Variants in SMYD3 observed in about 807,000 individuals in gnomAD.
The protein encoded by SMYD3 is histone-lysine N-methyltransferase SMYD3.
SMYD3 carries 36 observed loss-of-function variants against 57.7 expected under a neutral mutation model. The observed-to-expected ratio is 0.62, with a 90% CI of 0.48 to 0.82. SMYD3 has a LOEUF of 0.82. Ranked by LOEUF, SMYD3 falls within the 40% of genes least tolerant of loss-of-function variation. SMYD3 has a pLI of 0.00. For synonymous variants in SMYD3, 211 were observed against 195.0 expected, an observed-to-expected ratio of 1.08 and a Z score of -0.68; for missense variants, 515 against 538.8, an observed-to-expected ratio of 0.96 and a Z score of 0.44.
chr1:246,403,113 G>C (rs1390301029), intron 1 of SMYD3, among the ~76,000 whole-genome samples: 1 of 152,130 alleles, frequency 6.6e-6, no homozygotes, highest in Non-Finnish European at 1.5e-5. Context: ...GCTGATTAAG[G>C]GTGATCCTGG....
At position 246,473,351 on chromosome 1, in the gene SMYD3, TTA is replaced by T. The variant is rs1203034728; in HGVS notation, c.164+33701_164+33702del. On this transcript the variant is annotated intron_variant, in intron 1 of 11. Coordinates refer to ENST00000490107, the MANE Select transcript of SMYD3 (RefSeq NM_001167740.2). ...CTGATTTATTATGTTATTATTCATT[TTA>T]TGTTATATATTTTGAAATTCAAAAA... Among the ~76,000 whole-genome samples, 22 of 152,326 alleles carry T rather than the reference TTA, an allele frequency of 1.4e-4. 1 individual carries two copies. Among genetic ancestry groups the T allele is most frequent in the African/African-American group, 5.3e-4 (22 of 41,578 alleles).
In SMYD3 at chr1:245,903,637, G is replaced by A. The variant is rs189585155; in HGVS notation, c.813+11893C>T. Among the ~76,000 whole-genome samples, 27 of 152,342 alleles carry A rather than the reference G, an allele frequency of 1.8e-4. No homozygotes were observed. In the East Asian group the frequency reaches 5.0e-3, roughly 28 times the overall value. ...TGCCACCTCTCCCTGACCCCCAGCA[G>A]TGGTGCGTGGTGACAAGAGCATCTC... On this transcript the variant is annotated intron_variant, in intron 8 of 11. Transcript: ENST00000490107.
intron 10 of SMYD3, among the ~76,000 whole-genome samples, chr1:245,797,513 C>T (rs1200336652): frequency 9.5e-6 from 1 of 104,858 alleles, no homozygotes; most frequent in Admixed American, 1.4e-4. Flanking sequence ...ACATCACACA[C>T]TGGGGCCTGT....
intron 10 of SMYD3, among the ~76,000 whole-genome samples, chr1:245,817,195 G>T (rs1175061838): frequency 1.3e-5 from 2 of 148,432 alleles, no homozygotes; most frequent in Non-Finnish European, 3.0e-5. Flanking sequence ...CGCAGCTGGA[G>T]ATCTGAGAAC....
At chr1:246,407,112 C>T (rs570812526) in intron 1 of SMYD3, among the ~76,000 whole-genome samples, 18 of 152,110 alleles carry the variant, frequency 1.2e-4, no homozygotes, top group Non-Finnish European at 2.2e-4. Context: ...TTGGGGGGTA[C>T]CATCACTCTG....
chr1:246,256,089 G>C (rs994621600), intron 5 of SMYD3, among the ~76,000 whole-genome samples: 4 of 152,100 alleles, frequency 2.6e-5, no homozygotes, highest in African/African-American at 9.7e-5. Flanking sequence ...TCCCACAATA[G>C]GCTGCAAGCT....
intron 5 of SMYD3, among the ~76,000 whole-genome samples, chr1:245,993,627 T>C (rs372760194): frequency 0.04 from 4,290 of 106,604 alleles, 78 homozygotes; most frequent in South Asian, 0.053. Context: ...GATAGATAGA[T>C]AGATAGACAG....
intron 1 of SMYD3, among the ~76,000 whole-genome samples, chr1:246,479,901 T>C (rs2068080707): frequency 6.6e-6 from 1 of 152,154 alleles, no homozygotes; most frequent in South Asian, 2.1e-4. Flanking sequence ...AAATATCTGC[T>C]GTATCTTCAG....
intron 5 of SMYD3, among the ~76,000 whole-genome samples, chr1:245,988,818 CTT>C (rs978379289): frequency 6.6e-6 from 1 of 152,142 alleles, no homozygotes; most frequent in Non-Finnish European, 1.5e-5. Context: ...AACTCAAAGG[CTT>C]TTTTTGTCAG....
intron 8 of SMYD3, among the ~76,000 whole-genome samples, chr1:245,905,523 G>C (rs1449111051): frequency 1.3e-5 from 2 of 152,238 alleles, no homozygotes; most frequent in Admixed American, 1.3e-4. Flanking sequence ...GACTGAGAAA[G>C]ATTGAGTCTT....
intron 10 of SMYD3, among the ~76,000 whole-genome samples, chr1:245,841,494 A>G (rs1289922228): frequency 6.6e-6 from 1 of 152,246 alleles, no homozygotes; most frequent in African/African-American, 2.4e-5. Flanking sequence ...TTTAAGTTAA[A>G]TGTAAATTCA....
chr1:245,840,495 T>C (rs1325425773), intron 10 of SMYD3, among the ~76,000 whole-genome samples: 1 of 152,120 alleles, frequency 6.6e-6, no homozygotes, highest in Non-Finnish European at 1.5e-5. Context: ...AGATACTGCC[T>C]GAAGTTGATG....
chr1:245,981,384 AG>A (rs2058593730), intron 5 of SMYD3, among the ~76,000 whole-genome samples: 1 of 152,250 alleles, frequency 6.6e-6, no homozygotes, highest in Admixed American at 6.5e-5. Context: ...ACAGACAACC[AG>A]GACATCTTCA....
chr1:246,422,947 GAA>G lies in SMYD3; in HGVS notation c.165-67855_165-67854del, dbSNP rs568099135. Among the ~76,000 whole-genome samples the G allele has an allele frequency of 6.0e-3, 912 of 151,570 alleles. 11 individuals are homozygous for G. The highest frequency in any genetic ancestry group is 0.021 in the African/African-American group (870 of 41,346). ...TGGTTAGATCTAAAATTCAAAAGAA[GAA>G]AAAAAACAATAAACAAACACATACA... is the stretch of plus-strand genomic sequence containing the variant. On this transcript the variant is annotated intron_variant, in intron 1 of 11. Coordinates refer to ENST00000490107, the MANE Select transcript of SMYD3 (RefSeq NM_001167740.2).
At position 246,163,675 on chromosome 1, in the gene SMYD3, T is replaced by G. The variant is rs6665091; in HGVS notation, c.531+163526A>C. On this transcript the variant is annotated intron_variant, in intron 5 of 11. Coordinates refer to ENST00000490107, the MANE Select transcript of SMYD3 (RefSeq NM_001167740.2). Reference sequence around the variant, plus strand: ...AATTTAGATACTCTTTAAAAGAGCATGTAAGCATCTTGAGAAATAAATTTA... The same window carrying G: ...AATTTAGATACTCTTTAAAAGAGCAGGTAAGCATCTTGAGAAATAAATTTA... 4.2e-3 allele frequency among the ~76,000 whole-genome samples: 640 copies of G among 152,324 alleles called. 2 individuals carry two copies. The highest frequency in any genetic ancestry group is 0.015 in the African/African-American group (618 of 41,568).
intron 8 of SMYD3, among the ~76,000 whole-genome samples, chr1:245,878,790 C>T (rs993416294): frequency 7.2e-5 from 11 of 152,192 alleles, no homozygotes; most frequent in Non-Finnish European, 1.5e-4. Flanking sequence ...CAGGAATATA[C>T]TGTTGATGTC....
intron 1 of SMYD3, among the ~76,000 whole-genome samples, chr1:246,473,682 T>G (rs995399685): frequency 6.6e-6 from 1 of 152,222 alleles, no homozygotes; most frequent in South Asian, 2.1e-4. Context: ...GTTATTATTA[T>G]GACTTACTGT....
At chr1:246,190,209 T>C (rs1342532010) in intron 5 of SMYD3, among the ~76,000 whole-genome samples, 1 of 151,640 alleles carries the variant, frequency 6.6e-6, no homozygotes, top group African/African-American at 2.4e-5. Flanking sequence ...ATAATACTGC[T>C]TAACAAAGGA....
Position 245,755,900 on chromosome 1 carries a change from G to A in SMYD3, c.1186-6236C>T, listed in dbSNP as rs193042472. On this transcript the variant is annotated intron_variant, in intron 11 of 11. Coordinates refer to ENST00000490107, the MANE Select transcript of SMYD3 (RefSeq NM_001167740.2). ...ATTTACATCTTTTACATAGACTACT[G>A]ACATAATTTACAATGTTATTATTAA... Among the ~76,000 whole-genome samples the A allele has an allele frequency of 2.6e-5, 4 of 151,886 alleles. No individual in the cohort carries two copies. The East Asian group carries it at 7.7e-4, about 29-fold the overall frequency.
Sources: gnomAD v4.1 joint callset for allele counts (sites outside exome capture counted in the v4.1 genomes callset) on GRCh38, gnomAD v4.1.1 for gene constraint, MANE v1.5 for transcripts, NCBI Gene and HGNC (gene_info 2026-07-23, HGNC 2026-07-21) for gene names.